KCNK9: variants seen among roughly 807,000 people sequenced by gnomAD.
KCNK9 encodes potassium two pore domain channel subfamily K member 9, also known as potassium channel subfamily K member 9.
In KCNK9, 1 loss-of-function variant was observed where a neutral mutation model predicts 10.8. The ratio of observed to expected loss-of-function variants is 0.09; its 90% CI spans 0.03 to 0.44. The LOEUF (loss-of-function observed/expected upper bound fraction) is 0.44, where lower values mean the gene tolerates loss of function less well. KCNK9 is among the 20% of genes least tolerant of loss of function. The pLI, the probability that KCNK9 is intolerant of heterozygous loss-of-function variation, is 0.97. For missense variants in KCNK9, 303 were observed against 515.0 expected, an observed-to-expected ratio of 0.59 and a Z score of 3.98; for synonymous variants, 231 against 222.7, an observed-to-expected ratio of 1.04 and a Z score of -0.33.
At chr8:139,697,887 G>A (rs1183261674) in intron 1 of KCNK9, among the ~76,000 whole-genome samples, 1 of 152,160 alleles carries the variant, frequency 6.6e-6, no homozygotes, top group Non-Finnish European at 1.5e-5. Context: ...GGTCCGAGAA[G>A]GGTGTGGGGA....
At position 139,667,651 on chromosome 8, in the gene KCNK9, G is replaced by A. The variant is rs181977326; in HGVS notation, c.283+35059C>T. ...GCGGAGGCTGCAGTGAGCCAAGATC[G>A]TGCCACCGCACTCCAACCTGGGCAA... On this transcript the variant is annotated intron_variant, in intron 1 of 1. Transcript: ENST00000520439. Among the ~76,000 whole-genome samples the A allele has an allele frequency of 1.2e-3, 181 of 152,194 alleles. 1 individual carries two copies. Among genetic ancestry groups the A allele is most frequent in the African/African-American group, 2.8e-3 (116 of 41,530 alleles).
At chr8:139,611,210 C>A (rs1443422645), downstream of KCNK9, 1 of 152,274 alleles carries the variant, frequency 6.6e-6, no homozygotes, top group Non-Finnish European at 1.5e-5. Flanking sequence ...TGGCACAGAG[C>A]AGGTGCCATT....
At chr8:139,607,651 C>T (rs889944749), downstream of KCNK9, among the ~76,000 whole-genome samples, 4 of 152,118 alleles carry the variant, frequency 2.6e-5, no homozygotes, top group African/African-American at 7.2e-5. Flanking sequence ...CTGTAGGGGC[C>T]GAGTCTCCAG....
At chr8:139,680,803 C>A (rs900908200) in intron 1 of KCNK9, among the ~76,000 whole-genome samples, 2 of 152,182 alleles carry the variant, frequency 1.3e-5, no homozygotes, top group Non-Finnish European at 2.9e-5. Context: ...CAGGCGGTCG[C>A]ATTCTGGAAC....
intron 1 of KCNK9, among the ~76,000 whole-genome samples, chr8:139,640,473 C>T (rs1372201576): frequency 6.6e-6 from 1 of 152,228 alleles, no homozygotes; most frequent in Non-Finnish European, 1.5e-5. Context: ...GGGGTCCTCC[C>T]CTAGCCACCC....
chr8:139,694,596 A>C (rs1164614266), intron 1 of KCNK9, among the ~76,000 whole-genome samples: 4 of 152,190 alleles, frequency 2.6e-5, no homozygotes, highest in Admixed American at 2.6e-4. Flanking sequence ...TGGCCCATTC[A>C]TTGGATGGCT....
intron 1 of KCNK9, among the ~76,000 whole-genome samples, chr8:139,689,880 G>A (rs184712512): frequency 3.0e-4 from 46 of 152,294 alleles, no homozygotes; most frequent in African/African-American, 1.0e-3. Flanking sequence ...CTGACCTCGT[G>A]ATCTGCCCGT....
chr8:139,643,072 AC>A (rs1475373630), intron 1 of KCNK9, among the ~76,000 whole-genome samples: 1 of 150,140 alleles, frequency 6.7e-6, no homozygotes, highest in Non-Finnish European at 1.5e-5. Flanking sequence ...CCCCTGCCTG[AC>A]CCCCTTGGCC....
intron 1 of KCNK9, among the ~76,000 whole-genome samples, chr8:139,651,308 A>C (rs1815855464): frequency 6.6e-6 from 1 of 152,130 alleles, no homozygotes; most frequent in South Asian, 2.1e-4. Context: ...CCCTGCCCCC[A>C]CATATCCTCC....
downstream of KCNK9, chr8:139,600,858 C>T (rs546185093): frequency 6.6e-6 from 1 of 152,354 alleles, no homozygotes; most frequent in African/African-American, 2.4e-5. Flanking sequence ...TGGCATGTAG[C>T]TGCATTTATT....
At chr8:139,660,449 A>ATATATAT (rs1554623942) in intron 1 of KCNK9, among the ~76,000 whole-genome samples, 2 of 131,192 alleles carry the variant, frequency 1.5e-5, no homozygotes, top group African/African-American at 6.1e-5. Flanking sequence ...GCTAAAAAAA[A>ATATATAT]ATATATATAT....
At chr8:139,606,286 T>C (rs1817485660) in intron 2 of KCNK9, among the ~76,000 whole-genome samples, 1 of 152,170 alleles carries the variant, frequency 6.6e-6, no homozygotes, top group Admixed American at 6.5e-5. Context: ...GGGAGTGCTG[T>C]GGCAGGCCTC....
chr8:139,647,653 G>A (rs1268571454), intron 1 of KCNK9, among the ~76,000 whole-genome samples: 3 of 152,206 alleles, frequency 2.0e-5, no homozygotes, highest in Non-Finnish European at 4.4e-5. Context: ...TGGAAAGGAG[G>A]TGGCGGTGAT....
At chr8:139,629,783 C>T (rs1815103430) in intron 1 of KCNK9, among the ~76,000 whole-genome samples, 1 of 152,164 alleles carries the variant, frequency 6.6e-6, no homozygotes, top group Admixed American at 6.5e-5. Flanking sequence ...CCCCATATCC[C>T]TTACTCTTCT....
intron 1 of KCNK9, among the ~76,000 whole-genome samples, chr8:139,686,963 C>G (rs180673958): frequency 2.8e-4 from 42 of 152,144 alleles, no homozygotes; most frequent in East Asian, 2.3e-3. Flanking sequence ...AGCCTAGTAA[C>G]TGTCAGTGCA....
At chr8:139,612,301 G>C (rs1013055137), downstream of KCNK9, 2 of 152,218 alleles carry the variant, frequency 1.3e-5, no homozygotes, top group Admixed American at 1.3e-4. Flanking sequence ...ACTTGTCAGA[G>C]CAAAGATCTC....
intron 1 of KCNK9, among the ~76,000 whole-genome samples, chr8:139,647,076 G>A (rs1265626761): frequency 6.6e-6 from 1 of 152,266 alleles, no homozygotes; most frequent in Non-Finnish European, 1.5e-5. Context: ...TCTGTTGGCG[G>A]CAGGGGGCTC....
chr8:139,671,860 C>A (rs1816436205), intron 1 of KCNK9, among the ~76,000 whole-genome samples: 1 of 152,196 alleles, frequency 6.6e-6, no homozygotes, highest in Non-Finnish European at 1.5e-5. Flanking sequence ...CGCACCCGGC[C>A]AATTCTTCTA....
chr8:139,619,993 G>C (rs1814727777), intron 1 of KCNK9, among the ~76,000 whole-genome samples: 1 of 152,208 alleles, frequency 6.6e-6, no homozygotes. Flanking sequence ...AATTCTTGAT[G>C]CAACTTCATT....
Sources: allele counts gnomAD v4.1 joint callset (sites outside exome capture counted in the v4.1 genomes callset), GRCh38; gene constraint gnomAD v4.1.1; transcripts MANE v1.5; gene names NCBI Gene and HGNC (gene_info 2026-07-23, HGNC 2026-07-21).